VPS26C: variants seen among roughly 807,000 people sequenced by gnomAD.
The protein encoded by VPS26C is vacuolar protein sorting-associated protein 26C.
VPS26C carries 19 observed loss-of-function variants against 30.6 expected under a neutral mutation model. The ratio of observed to expected loss-of-function variants is 0.62; its 90% CI spans 0.43 to 0.91. The LOEUF (loss-of-function observed/expected upper bound fraction) is 0.91. Among genes scored for constraint, VPS26C ranks in the 40% least tolerant of loss-of-function variants. The pLI is 0.00. For synonymous variants in VPS26C, 132 were observed against 151.5 expected (o/e 0.87, Z 0.95); for missense variants, 318 against 385.1 (o/e 0.83, Z 1.46).
chr21:37,261,090 A>G (rs1279554833), intron 1 of VPS26C: 1 of 152,214 alleles, frequency 6.6e-6, no homozygotes, highest in Non-Finnish European at 1.5e-5. Flanking sequence ...GATAAACAAA[A>G]CCAAATATTT....
intron 1 of VPS26C, among the ~76,000 whole-genome samples, chr21:37,245,083 A>C (rs372640731): frequency 2.0e-5 from 3 of 152,234 alleles, no homozygotes; most frequent in African/African-American, 7.2e-5. Context: ...CTGGTCTAGG[A>C]ATAAATTCAT....
At chr21:37,243,924 G>C (rs544792879) in intron 1 of VPS26C, among the ~76,000 whole-genome samples, 3 of 152,118 alleles carry the variant, frequency 2.0e-5, no homozygotes, top group Non-Finnish European at 2.9e-5. Flanking sequence ...GTATCTTCTG[G>C]GCAGCTGTCC....
At chr21:37,253,891 G>A (rs2086217335) in intron 1 of VPS26C, among the ~76,000 whole-genome samples, 1 of 152,070 alleles carries the variant, frequency 6.6e-6, no homozygotes, top group Non-Finnish European at 1.5e-5. Context: ...CTCCAAATCT[G>A]AAAAAATTCC....
intron 1 of VPS26C, among the ~76,000 whole-genome samples, chr21:37,247,467 AAAAAT>A (rs2148297945): frequency 6.6e-6 from 1 of 152,318 alleles, no homozygotes; most frequent in Non-Finnish European, 1.5e-5. Flanking sequence ...CAGTTAAAAC[AAAAAT>A]AAAACTCCAG....
At chr21:37,266,062 C>T (rs2086357906) in intron 1 of VPS26C, among the ~76,000 whole-genome samples, 1 of 151,830 alleles carries the variant, frequency 6.6e-6, no homozygotes, top group South Asian at 2.1e-4. Context: ...GGATTAGAGG[C>T]GTCCGCCACC....
At chr21:37,250,922 C>T (rs1602280481) in intron 1 of VPS26C, among the ~76,000 whole-genome samples, 1 of 133,172 alleles carries the variant, frequency 7.5e-6, no homozygotes, top group South Asian at 2.4e-4. Context: ...AAAAAGACAT[C>T]GATGAAAAAG....
At chr21:37,240,882 G>A (rs2086080214) in intron 1 of VPS26C, among the ~76,000 whole-genome samples, 1 of 152,144 alleles carries the variant, frequency 6.6e-6, no homozygotes, top group South Asian at 2.1e-4. Context: ...GAGAAACCTC[G>A]TCCCGTCACT....
intron 5 of VPS26C, chr21:37,229,370 C>T (rs371938946): frequency 6.6e-6 from 1 of 152,186 alleles, no homozygotes; most frequent in Admixed American, 6.5e-5. Flanking sequence ...CATTCAAAGC[C>T]ATCCTGGCCG....
intron 1 of VPS26C, among the ~76,000 whole-genome samples, chr21:37,254,930 T>C (rs569487429): frequency 4.1e-4 from 62 of 152,282 alleles, no homozygotes; most frequent in African/African-American, 1.4e-3. Flanking sequence ...GGGTAGGCTC[T>C]GGGGACAGAT....
At position 37,232,447 on chromosome 21, in the gene VPS26C, T is replaced by C. The variant is rs765846858; in HGVS notation, c.437A>G (p.Gln146Arg). 6.2e-7 allele frequency: 1 copy of C among 1,614,140 alleles called. No homozygotes were observed. Among genetic ancestry groups the C allele is most frequent in the African/African-American group, 1.3e-5 (1 of 75,068 alleles). Reference sequence around the variant, plus strand: ...GGGACTGGGAGTAAACTTCCCCTTCTGAGGCTAAAACGAGAGGTGAAACCG... The same window carrying C: ...GGGACTGGGAGTAAACTTCCCCTTCCGAGGCTAAAACGAGAGGTGAAACCG... The part of the protein sequence containing the change: ...TCEFIVHSAP[Q>R]KGKFTPSPVD... The change falls in exon 5 of 8, where the codon CAG becomes CGG. Residue 146 changes from glutamine to arginine, a missense_variant. Transcript: ENST00000309117.
At chr21:37,227,463 C>G in intron 7 of VPS26C, 191 bp downstream of exon 7, 1 of 634,988 alleles carries the variant, frequency 1.6e-6, no homozygotes, top group East Asian at 2.8e-5. Flanking sequence ...CTGTGCGGCA[C>G]AGCAGCTCCT....
intron 1 of VPS26C, among the ~76,000 whole-genome samples, chr21:37,266,212 G>A (rs934148767): frequency 2.6e-5 from 4 of 152,078 alleles, no homozygotes; most frequent in African/African-American, 4.8e-5. Flanking sequence ...GCCACCGCGC[G>A]GGCCAGATTT....
chr21:37,225,855 T>A (rs886240000), intron 7 of VPS26C: 9 of 573,142 alleles, frequency 1.6e-5, no homozygotes, highest in Non-Finnish European at 1.9e-5. Context: ...TGAATTTTTG[T>A]CCTCTCATCT....
At chr21:37,249,586 G>A (rs2086170932) in intron 1 of VPS26C, among the ~76,000 whole-genome samples, 1 of 152,238 alleles carries the variant, frequency 6.6e-6, no homozygotes, top group African/African-American at 2.4e-5. Context: ...AACCATGCCA[G>A]ATTTTGAATG....
intron 2 of VPS26C, 43 bp downstream of exon 2, chr21:37,240,453 C>G: frequency 1.2e-6 from 2 of 1,609,116 alleles, no homozygotes; most frequent in South Asian, 2.2e-5. Context: ...CCCAACATTT[C>G]AATATTGAAC....
At position 37,223,999 on chromosome 21, in the gene VPS26C, A is replaced by C. The variant is rs939186462; in HGVS notation, c.*1545T>G. 2 of 152,254 alleles carry C rather than the reference A, an allele frequency of 1.3e-5. No individual in the cohort carries two copies. The highest frequency in any genetic ancestry group is 4.8e-5 in the African/African-American group (2 of 41,460). The allele number at this position is 152,254 out of a possible 1,614,324, so 9.4% of individuals were successfully genotyped here. A position where few individuals can be genotyped will look rare whatever the true frequency, so the allele number is the denominator to read the frequency against. On this transcript the variant is annotated 3_prime_UTR_variant, in exon 8 of 8. Transcript: ENST00000309117. ...AATAGTCCATATCCTTCGAACCACA[A>C]AGGGAGACTGAGGAAATGCTGGCTT...
Position 37,257,916 on chromosome 21 carries a change from A to C in VPS26C, c.57+9322T>G, listed in dbSNP as rs78190739. ...GGAGCGGGGCCACGAGGCAGGGGAC[A>C]GTGAAGCACCATGCAGCGCCCACCA... On this transcript the variant is annotated intron_variant, in intron 1 of 7. Coordinates refer to ENST00000309117, the MANE Select transcript of VPS26C (RefSeq NM_006052.2). The surrounding 1 kb of genome is among the most constrained non-coding windows in gnomAD (Gnocchi z 4.2). Among the ~76,000 whole-genome samples, 2,442 of 149,994 alleles carry C rather than the reference A, an allele frequency of 0.016. 44 individuals are homozygous for C. Among genetic ancestry groups the C allele is most frequent in the African/African-American group, 0.047 (1,832 of 39,338 alleles).
rs2086377176 is a variant in VPS26C at position 37,267,247 on chromosome 21, AT to A, written c.47del (p.Tyr16PhefsTer26). 1 of 858,304 alleles carries A rather than the reference AT, an allele frequency of 1.2e-6. No individual in the cohort carries two copies. 53.2% of individuals were successfully genotyped at this position (858,304 alleles called of 1,614,324 possible). A position where few individuals can be genotyped will look rare whatever the true frequency, so the allele number is the denominator to read the frequency against. On this transcript the variant is annotated frameshift_variant, in exon 1 of 8. Transcript: ENST00000309117. LOFTEE classifies it high-confidence loss of function. The part of the protein sequence containing the change: ...DIKIKRANKV[Y>X]HAGEVLSGVV... ...CCCAGCCCCCACTTACCCCGGCGTGATAAACTTTATTCGCTCTTTTAATCTT... is the reference window on the plus strand; with the variant it reads ...CCCAGCCCCCACTTACCCCGGCGTGAAAACTTTATTCGCTCTTTTAATCTT...
rs568686885 is a variant in VPS26C, at chr21:37,224,121, G to A, written c.*1423C>T. On this transcript the variant is annotated 3_prime_UTR_variant, in exon 8 of 8. Transcript: ENST00000309117. ...GGACCTTTTCCTGCTACCACCTTGC[G>A]GAGAGGGGCCTTCACCAGCCCACCC... 6 of 152,230 alleles carry A rather than the reference G, an allele frequency of 3.9e-5. No individual in the cohort carries two copies. Among genetic ancestry groups the A allele is most frequent in the African/African-American group, 9.6e-5 (4 of 41,452 alleles). The allele number at this position is 152,230 out of a possible 1,614,324, so 9.4% of individuals were successfully genotyped here. A position where few individuals can be genotyped will look rare whatever the true frequency, so the allele number is the denominator to read the frequency against.
Sources: allele counts gnomAD v4.1 joint callset (sites outside exome capture counted in the v4.1 genomes callset), GRCh38; gene constraint gnomAD v4.1.1; non-coding constraint Gnocchi (gnomAD v3.1); transcripts MANE v1.5; gene names NCBI Gene and HGNC (gene_info 2026-07-23, HGNC 2026-07-21).